The following LMNTD1 variants were observed in gnomAD, a reference collection of about 807,000 sequenced individuals.
LMNTD1 encodes lamin tail domain-containing protein 1.
Under a neutral mutation model 50.9 loss-of-function variants are expected in LMNTD1, and 35 were observed. The observed-to-expected ratio is 0.69, with a 90% confidence interval of 0.53 to 0.91. The LOEUF (loss-of-function observed/expected upper bound fraction) is 0.91. LMNTD1 is among the 40% of genes least tolerant of loss of function. LMNTD1 has a pLI of 0.00. For synonymous variants in LMNTD1, 153 were observed against 161.9 expected (o/e 0.94, Z 0.42); for missense variants, 470 against 475.5 (o/e 0.99, Z 0.11).
intron 1 of LMNTD1, among the ~76,000 whole-genome samples, chr12:25,576,768 T>C (rs1296198446): frequency 6.6e-6 from 1 of 152,236 alleles, no homozygotes; most frequent in Non-Finnish European, 1.5e-5. Context: ...TCCTTGCCCA[T>C]GCCTATGTCC....
chr12:25,496,345 T>C (rs1356501964), intron 9 of LMNTD1, among the ~76,000 whole-genome samples: 1 of 152,192 alleles, frequency 6.6e-6, no homozygotes, highest in Non-Finnish European at 1.5e-5. Context: ...TTAACTTTTA[T>C]TGTACACTCT....
intron 9 of LMNTD1, among the ~76,000 whole-genome samples, chr12:25,477,384 T>C (rs1386729497): frequency 6.6e-6 from 1 of 151,702 alleles, no homozygotes; most frequent in Non-Finnish European, 1.5e-5. Flanking sequence ...ATTGTTCTAG[T>C]GGGGATTGGT....
chr12:25,546,405 T>A lies in LMNTD1; in HGVS notation c.460A>T (p.Ile154Phe). 6.3e-7 allele frequency: 1 copy of A among 1,592,108 alleles called. No homozygotes were observed. ...TQKTLKYFSM[I>F]LEEVGQFTSS... ...GTAAATTGGCCAACTTCTTCAAGAA[T>A]CATAGAAAAGTATTTTAAAGTTTTC... The change falls in exon 4 of 10, where the codon ATT (isoleucine) becomes TTT (phenylalanine). Residue 154 changes from isoleucine to phenylalanine, a missense_variant. Transcript: ENST00000458174.
intron 1 of LMNTD1, among the ~76,000 whole-genome samples, chr12:25,569,409 T>C (rs1022381533): frequency 2.6e-5 from 4 of 152,164 alleles, no homozygotes; most frequent in African/African-American, 9.7e-5. Context: ...TGTAGTCTCA[T>C]AGGTAGAAGG....
chr12:25,592,438 A>G (rs1945728060), intron 1 of LMNTD1: 1 of 152,264 alleles, frequency 6.6e-6, no homozygotes, highest in Admixed American at 6.5e-5. Flanking sequence ...TTTGCCCTGG[A>G]ACACCCCCAC....
intron 4 of LMNTD1, among the ~76,000 whole-genome samples, chr12:25,544,412 A>G (rs1943298185): frequency 6.6e-6 from 1 of 151,716 alleles, no homozygotes; most frequent in East Asian, 1.9e-4. Flanking sequence ...AGTTGAATGG[A>G]ATAGTTTTTC....
intron 1 of LMNTD1, among the ~76,000 whole-genome samples, chr12:25,601,528 G>A (rs560545816): frequency 2.4e-4 from 37 of 151,942 alleles, no homozygotes; most frequent in African/African-American, 8.4e-4. Context: ...TTTACATGAC[G>A]TGATTATGAA....
intron 1 of LMNTD1, among the ~76,000 whole-genome samples, chr12:25,579,999 C>T (rs528171714): frequency 1.3e-5 from 2 of 152,158 alleles, no homozygotes; most frequent in Non-Finnish European, 2.9e-5. Flanking sequence ...TTGCTAAGGC[C>T]CTTCATGATT....
At chr12:25,505,624 T>C (rs1939704689) in intron 8 of LMNTD1, among the ~76,000 whole-genome samples, 1 of 148,504 alleles carries the variant, frequency 6.7e-6, no homozygotes, top group Admixed American at 6.7e-5. Context: ...AGTAAAATTT[T>C]CCTTTATATA....
intron 6 of LMNTD1, among the ~76,000 whole-genome samples, chr12:25,522,989 A>G (rs984821969): frequency 6.6e-6 from 1 of 152,162 alleles, no homozygotes; most frequent in African/African-American, 2.4e-5. Context: ...AAAGTAGTCT[A>G]AGACATACTT....
upstream of LMNTD1, among the ~76,000 whole-genome samples, chr12:25,557,797 A>T (rs1944103438): frequency 1.3e-5 from 2 of 152,236 alleles, no homozygotes; most frequent in South Asian, 4.1e-4. Flanking sequence ...AAGAGCAAAT[A>T]GTTAATTTTG....
intron 1 of LMNTD1, among the ~76,000 whole-genome samples, chr12:25,593,700 A>C (rs535890760): frequency 3.3e-5 from 5 of 152,138 alleles, no homozygotes; most frequent in African/African-American, 9.7e-5. Flanking sequence ...GGTCCAAACC[A>C]AGAAGAAATC....
intron 9 of LMNTD1, among the ~76,000 whole-genome samples, chr12:25,483,670 G>A (rs1938517780): frequency 6.6e-6 from 1 of 151,680 alleles, no homozygotes; most frequent in South Asian, 2.1e-4. Context: ...TACTCAAGAG[G>A]CTGAGGTTGA....
At chr12:25,541,317 C>G (rs994414605) in intron 4 of LMNTD1, among the ~76,000 whole-genome samples, 1 of 142,738 alleles carries the variant, frequency 7.0e-6, no homozygotes, top group Non-Finnish European at 1.5e-5. Context: ...CACTACCTGA[C>G]TTCAAACTAT....
intron 4 of LMNTD1, among the ~76,000 whole-genome samples, chr12:25,539,098 G>T (rs973363029): frequency 6.7e-6 from 1 of 150,104 alleles, no homozygotes; most frequent in Non-Finnish European, 1.5e-5. Flanking sequence ...CCTACAAAGA[G>T]ACTTCAACTC....
intron 1 of LMNTD1, among the ~76,000 whole-genome samples, chr12:25,626,357 T>C (rs77520694): frequency 8.4e-5 from 12 of 143,060 alleles, no homozygotes; most frequent in South Asian, 2.3e-4. Flanking sequence ...CACACACACA[T>C]ATATATACAT....
At chr12:25,528,623 A>G (rs973778871) in intron 4 of LMNTD1, among the ~76,000 whole-genome samples, 1 of 152,194 alleles carries the variant, frequency 6.6e-6, no homozygotes, top group Non-Finnish European at 1.5e-5. Context: ...AAACATGGCC[A>G]TCAGAGAGAA....
At chr12:25,526,977 T>C in intron 4 of LMNTD1, 22 bp from the exon 5 acceptor site, 1 of 1,545,780 alleles carries the variant, frequency 6.5e-7, no homozygotes, top group Admixed American at 1.8e-5. Context: ...AACACAAAGA[T>C]TGTAAGCTGC....
At chr12:25,597,081 C>G (rs547532663) in intron 1 of LMNTD1, among the ~76,000 whole-genome samples, 35 of 151,852 alleles carry the variant, frequency 2.3e-4, no homozygotes, top group African/African-American at 8.2e-4. Flanking sequence ...AAATAAAAAG[C>G]AAGAAACTAA....
Sources: gnomAD v4.1 joint callset for allele counts (sites outside exome capture counted in the v4.1 genomes callset) on GRCh38, gnomAD v4.1.1 for gene constraint, MANE v1.5 for transcripts, NCBI Gene and HGNC (gene_info 2026-07-23, HGNC 2026-07-21) for gene names.